ZNF704: variants seen among roughly 807,000 people sequenced by gnomAD.
ZNF704 encodes the protein glucocorticoid induced gene 1.
Under a neutral mutation model 44.7 loss-of-function variants are expected in ZNF704, and 10 were observed. The ratio of observed to expected loss-of-function variants is 0.22; its 90% CI spans 0.14 to 0.38. ZNF704 has a LOEUF of 0.38. ZNF704 is among the 10% of genes least tolerant of loss of function. The probability of loss-of-function intolerance (pLI) is 1.00; values close to 1 mark genes in which losing one functional copy is unlikely to be tolerated. For missense variants in ZNF704, 390 were observed against 545.5 expected (o/e 0.71, Z 2.84); for synonymous variants, 211 against 207.6 (o/e 1.02, Z -0.14).
Position 80,629,487 on chromosome 8 carries a change from A to G in ZNF704, c.*11879T>C, listed in dbSNP as rs1817550948. The G allele has an allele frequency of 6.6e-6, 1 of 152,226 alleles. No homozygotes were observed. The highest frequency in any genetic ancestry group is 1.5e-5 in the Non-Finnish European group (1 of 68,034). The allele number at this position is 152,226 out of a possible 1,614,324, so 9.4% of individuals were successfully genotyped here. On this transcript the variant is annotated 3_prime_UTR_variant, in exon 9 of 9. Coordinates refer to ENST00000327835, the MANE Select transcript of ZNF704 (RefSeq NM_001033723.3). ...AAGAGAACCAGAATGACAGAAATGG[A>G]GTTCTTTATTTCCACATTGTCAGAT...
intron 1 of ZNF704, among the ~76,000 whole-genome samples, chr8:80,847,463 A>G (rs1808786433): frequency 1.3e-5 from 2 of 152,218 alleles, no homozygotes; most frequent in African/African-American, 4.8e-5. Flanking sequence ...TTGTAGACAC[A>G]GACATGCTTG....
At chr8:80,746,870 TTAA>T (rs1158481631) in intron 2 of ZNF704, among the ~76,000 whole-genome samples, 1 of 152,098 alleles carries the variant, frequency 6.6e-6, no homozygotes, top group Admixed American at 6.5e-5. Context: ...ATTCACATTA[TTAA>T]TAAGGTGAAA....
chr8:80,641,571 A>T, intron 8 of ZNF704, 94 bp from the exon 9 acceptor site: 2 of 286,506 alleles, frequency 7.0e-6, no homozygotes, highest in Admixed American at 6.1e-5. Flanking sequence ...TGAGGGAGGA[A>T]AAAAAAAAAA....
At chr8:80,864,569 C>T (rs1203431484) in intron 1 of ZNF704, among the ~76,000 whole-genome samples, 1 of 152,070 alleles carries the variant, frequency 6.6e-6, no homozygotes, top group Non-Finnish European at 1.5e-5. Flanking sequence ...TTCCCAAAGT[C>T]AATTAATTAC....
In ZNF704 at chr8:80,707,965, T is replaced by C. The variant is rs1485545354; in HGVS notation, c.222-14858A>G. ...ATTTGGGGAAATGGGTGGAAGCACCTATGTTGCCGTCTGGAGGATTCTCAT... is the reference window on the plus strand; with the variant it reads ...ATTTGGGGAAATGGGTGGAAGCACCCATGTTGCCGTCTGGAGGATTCTCAT... On this transcript the variant is annotated intron_variant, in intron 2 of 8. Transcript: ENST00000327835. Among the ~76,000 whole-genome samples, 3 of 152,268 alleles carry C rather than the reference T, an allele frequency of 2.0e-5. No homozygotes were observed. In the East Asian group the frequency reaches 5.8e-4, roughly 29 times the overall value.
chr8:80,650,950 G>A (rs957307050), intron 7 of ZNF704, among the ~76,000 whole-genome samples: 18 of 152,166 alleles, frequency 1.2e-4, no homozygotes, highest in Non-Finnish European at 2.1e-4. Flanking sequence ...GAAGCCCATC[G>A]GACTAACAGC....
intron 2 of ZNF704, among the ~76,000 whole-genome samples, chr8:80,698,090 G>A (rs1441781716): frequency 1.3e-5 from 2 of 152,178 alleles, no homozygotes; most frequent in South Asian, 2.1e-4. Context: ...AAGAGTTTAT[G>A]CTTTCAATAC....
intron 1 of ZNF704, among the ~76,000 whole-genome samples, chr8:80,844,029 C>A (rs72671928): frequency 0.02 from 3,067 of 150,588 alleles, 83 homozygotes; most frequent in Non-Finnish European, 0.026. Flanking sequence ...CACTAAAAGT[C>A]TATGTTCATG....
chr8:80,859,050 A>G (rs1421486912), intron 1 of ZNF704, among the ~76,000 whole-genome samples: 1 of 152,244 alleles, frequency 6.6e-6, no homozygotes, highest in Non-Finnish European at 1.5e-5. Context: ...TGTAACAAAG[A>G]TATTCAATGA....
At chr8:80,873,509 C>A in intron 1 of ZNF704, 1 of 150,612 alleles carries the variant, frequency 6.6e-6, no homozygotes, top group Non-Finnish European at 1.5e-5. Context: ...CCCGGGCTGG[C>A]GGGTCCCACG....
intron 2 of ZNF704, among the ~76,000 whole-genome samples, chr8:80,811,377 A>G (rs928664052): frequency 6.6e-6 from 1 of 152,182 alleles, no homozygotes. Flanking sequence ...ACTTAGAAGC[A>G]TTCAGAATGT....
At chr8:80,786,565 C>T (rs546872853) in intron 2 of ZNF704, among the ~76,000 whole-genome samples, 2 of 152,302 alleles carry the variant, frequency 1.3e-5, no homozygotes, top group African/African-American at 4.8e-5. Flanking sequence ...CTCCCTAGGG[C>T]ACAATCAGAA....
chr8:80,644,355 A>T (rs764089378), intron 7 of ZNF704, among the ~76,000 whole-genome samples: 1 of 152,138 alleles, frequency 6.6e-6, no homozygotes, highest in Non-Finnish European at 1.5e-5. Context: ...AGCCCTTTGC[A>T]TTACCTGTCT....
In ZNF704 at chr8:80,675,640, T is replaced by A. The variant is rs376284978; in HGVS notation, c.559-5037A>T. Among the ~76,000 whole-genome samples, 32 of 152,256 alleles carry A rather than the reference T, an allele frequency of 2.1e-4. No homozygotes were observed. The East Asian group carries it at 3.3e-3, about 16-fold the overall frequency. On this transcript the variant is annotated intron_variant, in intron 4 of 8. Coordinates refer to ENST00000327835, the MANE Select transcript of ZNF704 (RefSeq NM_001033723.3). ...ATTCAAGACATAGTTTGGAGGCAGA[T>A]CCAATAATACTTGCTGTTGGGTTGA...
intron 2 of ZNF704, among the ~76,000 whole-genome samples, chr8:80,820,638 G>T (rs1048630250): frequency 6.6e-6 from 1 of 152,046 alleles, no homozygotes; most frequent in Non-Finnish European, 1.5e-5. Flanking sequence ...AGTAACTCAT[G>T]CCTGTAATCT....
At chr8:80,788,954 C>T (rs571069070) in intron 2 of ZNF704, among the ~76,000 whole-genome samples, 4 of 152,152 alleles carry the variant, frequency 2.6e-5, no homozygotes, top group South Asian at 2.1e-4. Flanking sequence ...ACCTCTACTT[C>T]GAAAAACTAT....
chr8:80,870,658 C>A (rs1323948706), intron 1 of ZNF704, among the ~76,000 whole-genome samples: 1 of 152,174 alleles, frequency 6.6e-6, no homozygotes, highest in Non-Finnish European at 1.5e-5. Context: ...ATAGTGTTTG[C>A]TGGCTTCTCC....
At chr8:80,801,362 T>A (rs1330698613) in intron 2 of ZNF704, among the ~76,000 whole-genome samples, 1 of 152,246 alleles carries the variant, frequency 6.6e-6, no homozygotes, top group African/African-American at 2.4e-5. Context: ...CAACAAAATA[T>A]ACATTCTTCT....
In ZNF704 at chr8:80,850,243, C is replaced by T. The variant is rs183512635; in HGVS notation, c.-22+24328G>A. On this transcript the variant is annotated intron_variant, in intron 1 of 8. Transcript: ENST00000327835. ...CACCAGAAACTTGTCTTTTTTTGTC[C>T]GTTATTTTTCTGTAATATAGAAATG... Among the ~76,000 whole-genome samples, 456 of 151,854 alleles carry T rather than the reference C, an allele frequency of 3.0e-3. 2 individuals are homozygous for T. The highest frequency in any genetic ancestry group is 0.019 in the Admixed American group (283 of 15,244).
Sources: allele counts gnomAD v4.1 joint callset (sites outside exome capture counted in the v4.1 genomes callset), GRCh38; gene constraint gnomAD v4.1.1; transcripts MANE v1.5; gene names NCBI Gene and HGNC (gene_info 2026-07-23, HGNC 2026-07-21).